Variants in TRDN observed in about 807,000 individuals in gnomAD.
The protein encoded by TRDN is triadin.
Under a neutral mutation model 149.7 loss-of-function variants are expected in TRDN, and 161 were observed. The ratio of observed to expected loss-of-function variants is 1.08; its 90% confidence interval spans 0.95 to 1.23. TRDN has a LOEUF of 1.23. Among genes scored for constraint, TRDN ranks in the 50% most tolerant of loss-of-function variants. The probability of loss-of-function intolerance (pLI) is 0.00; values close to 1 mark genes in which losing one functional copy is unlikely to be tolerated. For synonymous variants in TRDN, 294 were observed against 250.5 expected, an observed-to-expected ratio of 1.17 and a Z score of -1.64; for missense variants, 896 against 823.5, an observed-to-expected ratio of 1.09 and a Z score of -1.08.
chr6:123,241,698 GT>G (rs1212052604), intron 38 of TRDN, among the ~76,000 whole-genome samples: 3 of 151,962 alleles, frequency 2.0e-5, no homozygotes, highest in Admixed American at 6.6e-5. Flanking sequence ...TTATAAAGTA[GT>G]AAACTTCTAG....
At chr6:123,354,847 A>G (rs769682407) in intron 20 of TRDN, among the ~76,000 whole-genome samples, 2 of 151,792 alleles carry the variant, frequency 1.3e-5, no homozygotes, top group Non-Finnish European at 3.0e-5. Context: ...AAATCTAAGT[A>G]GGGAAAGGAT....
intron 1 of TRDN, among the ~76,000 whole-genome samples, chr6:123,604,245 T>G (rs951016640): frequency 2.6e-5 from 4 of 152,124 alleles, no homozygotes; most frequent in African/African-American, 9.7e-5. Flanking sequence ...CAGGCTGCTG[T>G]GGGAACATAC....
chr6:123,288,029 A>AT (rs1554220559), intron 24 of TRDN, among the ~76,000 whole-genome samples: 1 of 151,778 alleles, frequency 6.6e-6, no homozygotes, highest in Non-Finnish European at 1.5e-5. Context: ...TTCCATTTAT[A>AT]CCCTATTATG....
chr6:123,309,636 C>G (rs1000657832), intron 24 of TRDN, among the ~76,000 whole-genome samples: 1 of 151,854 alleles, frequency 6.6e-6, no homozygotes, highest in Non-Finnish European at 1.5e-5. Context: ...GACTCTTGAA[C>G]AACACAGGTT....
At chr6:123,438,744 G>A (rs774442209) in intron 11 of TRDN, among the ~76,000 whole-genome samples, 200 bp downstream of exon 11, 1 of 152,038 alleles carries the variant, frequency 6.6e-6, no homozygotes, top group East Asian at 1.9e-4. Context: ...TTCAAAAAGT[G>A]TTTAGGATTG....
At chr6:123,406,797 T>C (rs1277264328) in intron 12 of TRDN, among the ~76,000 whole-genome samples, 1 of 152,160 alleles carries the variant, frequency 6.6e-6, no homozygotes, top group Non-Finnish European at 1.5e-5. Flanking sequence ...AAGTATTATT[T>C]CACATAACAG....
At chr6:123,361,433 G>A (rs1780896890) in intron 20 of TRDN, among the ~76,000 whole-genome samples, 1 of 152,058 alleles carries the variant, frequency 6.6e-6, no homozygotes, top group African/African-American at 2.4e-5. Flanking sequence ...ATGATGGGTT[G>A]ATGGGTTCAG....
intron 24 of TRDN, among the ~76,000 whole-genome samples, chr6:123,295,374 G>A (rs1778156397): frequency 6.6e-6 from 1 of 152,310 alleles, no homozygotes; most frequent in African/African-American, 2.4e-5. Context: ...CATCCCCAGA[G>A]CTGTAATGCT....
chr6:123,601,660 C>G (rs1784285924), intron 1 of TRDN, among the ~76,000 whole-genome samples: 1 of 152,130 alleles, frequency 6.6e-6, no homozygotes, highest in Admixed American at 6.6e-5. Flanking sequence ...CACACATTCT[C>G]ACTTCTTTGT....
At chr6:123,324,826 T>A (rs1161381643) in intron 23 of TRDN, among the ~76,000 whole-genome samples, 7 of 152,176 alleles carry the variant, frequency 4.6e-5, no homozygotes, top group Admixed American at 3.9e-4. Context: ...AAATAATACA[T>A]GACCTCTTTC....
At chr6:123,499,719 A>AATATATATATATATATAT (rs71272328) in intron 8 of TRDN, among the ~76,000 whole-genome samples, 36 of 47,550 alleles carry the variant, frequency 7.6e-4, no homozygotes, top group Non-Finnish European at 1.4e-3. Flanking sequence ...AAAAAAAAAA[A>AATATATATATATATATAT]ATATATATAT....
intron 40 of TRDN, among the ~76,000 whole-genome samples, chr6:123,220,059 G>A (rs913615968): frequency 5.3e-5 from 8 of 151,968 alleles, no homozygotes; most frequent in African/African-American, 1.9e-4. Context: ...CTATAGAACT[G>A]CCTTCTTGTA....
At chr6:123,222,813 A>G (rs997447142) in intron 39 of TRDN, among the ~76,000 whole-genome samples, 12 of 151,888 alleles carry the variant, frequency 7.9e-5, no homozygotes, top group Non-Finnish European at 1.3e-4. Flanking sequence ...AAAGCAAACA[A>G]CCTCATTACA....
chr6:123,433,876 A>C (rs1439652084), intron 12 of TRDN: 1 of 152,138 alleles, frequency 6.6e-6, no homozygotes, highest in African/African-American at 2.4e-5. Context: ...CCAGGTTATA[A>C]TTGTTTTGTT....
chr6:123,279,417 A>G (rs1777501040), intron 24 of TRDN, among the ~76,000 whole-genome samples: 1 of 152,100 alleles, frequency 6.6e-6, no homozygotes, highest in South Asian at 2.1e-4. Flanking sequence ...CTTTATAAAA[A>G]CTAGTGGCCA....
At chr6:123,557,139 C>G (rs967614099) in intron 2 of TRDN, among the ~76,000 whole-genome samples, 4 of 151,752 alleles carry the variant, frequency 2.6e-5, no homozygotes, top group African/African-American at 9.7e-5. Flanking sequence ...CGGCCGCACC[C>G]CATCTCCCTT....
chr6:123,221,473 C>A lies in TRDN; in HGVS notation c.2050+14G>T. On this transcript the variant is annotated intron_variant, in intron 40 of 40. Coordinates refer to ENST00000334268, the MANE Select transcript of TRDN (RefSeq NM_006073.4). Reference sequence around the variant, plus strand: ...CAGAATGATTTATTACTTTTAATCTCATTATAAACTTACTTTTCTGCTTTG... The same window carrying A: ...CAGAATGATTTATTACTTTTAATCTAATTATAAACTTACTTTTCTGCTTTG... The A allele has an allele frequency of 6.5e-7, 1 of 1,532,820 alleles. No homozygotes were observed. The highest frequency in any genetic ancestry group is 9.0e-7 in the Non-Finnish European group (1 of 1,115,276). The allele number at this position is 1,532,820 out of a possible 1,614,324, so 95.0% of individuals were successfully genotyped here. A position where few individuals can be genotyped will look rare whatever the true frequency, so the allele number is the denominator to read the frequency against.
chr6:123,528,333 C>G (rs181785746), intron 5 of TRDN, among the ~76,000 whole-genome samples: 1 of 151,080 alleles, frequency 6.6e-6, no homozygotes, highest in Admixed American at 6.6e-5. Context: ...AAGGCTCTCC[C>G]GATGAGTTCC....
intron 10 of TRDN, among the ~76,000 whole-genome samples, chr6:123,461,711 G>T (rs944210508): frequency 6.6e-6 from 1 of 152,170 alleles, no homozygotes; most frequent in South Asian, 2.1e-4. Flanking sequence ...CTGTTTAACC[G>T]CTGAGGATTC....
Sources: allele counts gnomAD v4.1 joint callset (sites outside exome capture counted in the v4.1 genomes callset), GRCh38; gene constraint gnomAD v4.1.1; transcripts MANE v1.5; gene names NCBI Gene and HGNC (gene_info 2026-07-23, HGNC 2026-07-21).